INSL6: variants seen among roughly 807,000 people sequenced by gnomAD.
INSL6 encodes the protein insulin like 6.
INSL6 carries 16 observed loss-of-function variants against 9.4 expected under a neutral mutation model. The observed-to-expected ratio is 1.70, with a 90% CI of 1.15 to 2.59. INSL6 has a LOEUF of 2.59. INSL6 is among the 30% of genes most tolerant of loss of function. The probability of loss-of-function intolerance (pLI) is 0.00; values close to 1 mark genes in which losing one functional copy is unlikely to be tolerated. For missense variants in INSL6, 391 were observed against 257.3 expected, an observed-to-expected ratio of 1.52 and a Z score of -3.56; for synonymous variants, 154 against 96.9, an observed-to-expected ratio of 1.59 and a Z score of -3.46.
chr9:5,037,057 C>A, the INSL6 span, among the ~76,000 whole-genome samples: 28 of 152,294 alleles, frequency 1.8e-4, no homozygotes, highest in Non-Finnish European at 3.4e-4. Context: ...AGGATACGAA[C>A]AGACACTTCT....
At chr9:5,043,012 G>T in the INSL6 span, among the ~76,000 whole-genome samples, 1 of 152,210 alleles carries the variant, frequency 6.6e-6, no homozygotes, top group Non-Finnish European at 1.5e-5. Flanking sequence ...GGCGTCGCGC[G>T]GCTCGGCCCC....
chr9:5,095,499 T>A, the INSL6 span, among the ~76,000 whole-genome samples: 3 of 151,996 alleles, frequency 2.0e-5, no homozygotes, highest in African/African-American at 4.8e-5. Context: ...ACACTACTAA[T>A]CAATTTTCAT....
chr9:5,070,080 T>C, the INSL6 span: 1 of 1,518,424 alleles, frequency 6.6e-7, no homozygotes, highest in Non-Finnish European at 9.0e-7. Context: ...CATTACTGTC[T>C]TTTTTGTCCT....
the INSL6 span, among the ~76,000 whole-genome samples, chr9:5,047,096 C>T: frequency 6.6e-6 from 1 of 151,940 alleles, no homozygotes. Flanking sequence ...TAGATAGTAC[C>T]ACAAGCAATT....
At chr9:5,046,039 A>C in the INSL6 span, among the ~76,000 whole-genome samples, 1 of 152,112 alleles carries the variant, frequency 6.6e-6, no homozygotes, top group Non-Finnish European at 1.5e-5. Context: ...CAACATCCTC[A>C]ACAATGCTTT....
the INSL6 span, chr9:5,111,376 G>A: frequency 2.4e-4 from 96 of 401,842 alleles, no homozygotes; most frequent in Non-Finnish European, 4.0e-4. Context: ...TACGCCAGCA[G>A]CTCTGGCGGA....
the INSL6 span, among the ~76,000 whole-genome samples, chr9:5,020,338 C>T: frequency 2.7e-3 from 404 of 152,252 alleles, 2 homozygotes; most frequent in Middle Eastern, 6.8e-3. Flanking sequence ...CCCAAGGCCC[C>T]CAGATAACAT....
chr9:5,131,120 G>C (rs1374500279), intron 3 of INSL6, among the ~76,000 whole-genome samples: 1 of 152,160 alleles, frequency 6.6e-6, no homozygotes, highest in Non-Finnish European at 1.5e-5. Flanking sequence ...AGAAATCAAA[G>C]ATACTAAAGC....
the INSL6 span, among the ~76,000 whole-genome samples, chr9:5,076,849 G>A: frequency 1.3e-5 from 2 of 152,098 alleles, no homozygotes; most frequent in Non-Finnish European, 2.9e-5. Context: ...TTATATGGAG[G>A]TATCTGAGAG....
At chr9:5,154,029 C>A (rs1279987236) in intron 2 of INSL6, among the ~76,000 whole-genome samples, 5 of 152,010 alleles carry the variant, frequency 3.3e-5, no homozygotes, top group African/African-American at 1.2e-4. Flanking sequence ...ATCCTATGCA[C>A]AAAGAACAAA....
the INSL6 span, chr9:5,041,151 C>A: frequency 1.8e-6 from 2 of 1,129,478 alleles, no homozygotes; most frequent in South Asian, 1.3e-5. Flanking sequence ...CGGCTGATCA[C>A]GCGCATGGAT....
intron 2 of INSL6, among the ~76,000 whole-genome samples, chr9:5,155,738 G>C (rs1586866580): frequency 6.6e-6 from 1 of 151,308 alleles, no homozygotes. Flanking sequence ...ATGGACACAG[G>C]GAGGGGAACA....
rs558073543 is a variant in INSL6, at chr9:5,164,945, C to T, written c.290-680G>A. Among the ~76,000 whole-genome samples, 46 of 152,308 alleles carry T rather than the reference C, an allele frequency of 3.0e-4. 2 individuals carry two copies. In the East Asian group the frequency reaches 4.6e-3, roughly 15 times the overall value. ...GCTGATGGCCCAGCATAGTGGCTCA[C>T]GCCTGTAATCCCAGCACTCTGGGAG... On this transcript the variant is annotated intron_variant, in intron 1 of 1. Coordinates refer to ENST00000381641, the MANE Select transcript of INSL6 (RefSeq NM_007179.3).
At chr9:5,068,947 A>C in the INSL6 span, 4 of 808,884 alleles carry the variant, frequency 4.9e-6, no homozygotes, top group Non-Finnish European at 7.7e-6. Flanking sequence ...TTCTTGTGAT[A>C]TCATTTTGTC....
the INSL6 span, among the ~76,000 whole-genome samples, chr9:5,068,569 T>C: frequency 6.6e-6 from 1 of 152,188 alleles, no homozygotes; most frequent in Admixed American, 6.5e-5. Context: ...CATGAAGAAT[T>C]ATCAAGGCAT....
At chr9:5,004,232 C>G in the INSL6 span, among the ~76,000 whole-genome samples, 1 of 152,126 alleles carries the variant, frequency 6.6e-6, no homozygotes, top group African/African-American at 2.4e-5. Flanking sequence ...CTTCAGTTTA[C>G]TCCTCCTATC....
At chr9:5,176,079 C>G (rs1825299275) in intron 1 of INSL6, among the ~76,000 whole-genome samples, 1 of 151,992 alleles carries the variant, frequency 6.6e-6, no homozygotes, top group Non-Finnish European at 1.5e-5. Context: ...TGCCTATTAC[C>G]TCTCCTACCT....
At chr9:5,169,770 G>A (rs1275556831) in intron 1 of INSL6, among the ~76,000 whole-genome samples, 2 of 152,022 alleles carry the variant, frequency 1.3e-5, no homozygotes, top group African/African-American at 4.8e-5. Context: ...AAAAAGACAA[G>A]AGCGTTACAT....
chr9:5,171,049 G>C (rs1825170467), intron 1 of INSL6, among the ~76,000 whole-genome samples: 1 of 151,640 alleles, frequency 6.6e-6, no homozygotes, highest in East Asian at 1.9e-4. Flanking sequence ...AAAACTTCAG[G>C]CCAATATTCC....
Sources: gnomAD v4.1 joint callset for allele counts (sites outside exome capture counted in the v4.1 genomes callset) on GRCh38, gnomAD v4.1.1 for gene constraint, MANE v1.5 for transcripts, NCBI Gene and HGNC (gene_info 2026-07-23, HGNC 2026-07-21) for gene names.